Variants in CSMD1 observed in about 807,000 individuals in gnomAD.
The protein encoded by CSMD1 is CUB and sushi domain-containing protein 1.
A neutral mutation model predicts 417.5 loss-of-function variants in CSMD1; 213 were observed. The ratio of observed to expected loss-of-function variants is 0.51; its 90% CI spans 0.46 to 0.57. The LOEUF (loss-of-function observed/expected upper bound fraction) is 0.57. CSMD1 is among the 20% of genes least tolerant of loss of function. The pLI is 0.00. For synonymous variants in CSMD1, 2,862 were observed against 1,736.8 expected, an observed-to-expected ratio of 1.65 and a Z score of -16.11; for missense variants, 6,923 against 4,529.7, an observed-to-expected ratio of 1.53 and a Z score of -15.17.
rs149286891 is a variant in CSMD1 at position 3,098,018 on chromosome 8, C to T, written c.6950-981G>A. On this transcript the variant is annotated intron_variant, in intron 46 of 69. Transcript: ENST00000635120. ...CCAGTTTAATCAACATAAAAACAAT[C>T]TGCAGAGATCTGGACATGCAAAGCA... 5.5e-3 allele frequency among the ~76,000 whole-genome samples: 831 copies of T among 152,324 alleles called. 11 individuals carry two copies. The highest frequency in any genetic ancestry group is 0.019 in the African/African-American group (789 of 41,576).
chr8:2,937,509 C>T lies in CSMD1; in HGVS notation c.*1076G>A, dbSNP rs1243431693. 6.6e-6 allele frequency: 1 copy of T among 151,296 alleles called. No homozygotes were observed. Among genetic ancestry groups the T allele is most frequent in the African/African-American group, 2.4e-5 (1 of 41,188 alleles). 9.4% of individuals were successfully genotyped at this position (151,296 alleles called of 1,614,324 possible). A position where few individuals can be genotyped will look rare whatever the true frequency, so the allele number is the denominator to read the frequency against. ...CATTGTGAGCTAAAACCCACAAGTT[C>T]ATCGACTATCTAAAATAAATTACTA... On this transcript the variant is annotated 3_prime_UTR_variant, in exon 70 of 70. Transcript: ENST00000635120.
chr8:3,667,749 TG>T (rs1330269535), intron 7 of CSMD1, among the ~76,000 whole-genome samples: 1 of 152,182 alleles, frequency 6.6e-6, no homozygotes, highest in East Asian at 1.9e-4. Context: ...ACAAGAGTTC[TG>T]AAAAGCAACC....
chr8:3,835,098 G>T (rs1434395871), intron 5 of CSMD1, among the ~76,000 whole-genome samples: 1 of 148,934 alleles, frequency 6.7e-6, no homozygotes, highest in East Asian at 1.9e-4. Context: ...AGAGAAATAG[G>T]AACACTTTTA....
chr8:4,617,861 T>C (rs767163729), intron 2 of CSMD1, among the ~76,000 whole-genome samples: 1 of 152,218 alleles, frequency 6.6e-6, no homozygotes, highest in Non-Finnish European at 1.5e-5. Flanking sequence ...ACACTCACCC[T>C]TCTTGCTCTC....
At chr8:3,838,548 C>T (rs1308989001) in intron 5 of CSMD1, among the ~76,000 whole-genome samples, 1 of 118,478 alleles carries the variant, frequency 8.4e-6, no homozygotes, top group African/African-American at 3.6e-5. Context: ...TATATATGTA[C>T]TCTCTGTAGA....
chr8:3,900,341 G>A (rs769640744), intron 5 of CSMD1, among the ~76,000 whole-genome samples: 1 of 151,726 alleles, frequency 6.6e-6, no homozygotes, highest in Non-Finnish European at 1.5e-5. Context: ...ACAGCTGGGT[G>A]ACAGTGTAGC....
intron 1 of CSMD1, among the ~76,000 whole-genome samples, chr8:4,979,119 G>T (rs1031178297): frequency 2.6e-5 from 4 of 152,130 alleles, no homozygotes; most frequent in African/African-American, 9.7e-5. Flanking sequence ...TTTTCTACCT[G>T]ACTCTACTGA....
intron 7 of CSMD1, among the ~76,000 whole-genome samples, chr8:3,693,175 T>G (rs956552587): frequency 3.3e-5 from 5 of 152,116 alleles, no homozygotes; most frequent in African/African-American, 9.7e-5. Flanking sequence ...GTGAGTAAAA[T>G]TGGTCAGGAG....
At chr8:4,763,902 C>A (rs149263051) in intron 1 of CSMD1, among the ~76,000 whole-genome samples, 1 of 152,180 alleles carries the variant, frequency 6.6e-6, no homozygotes, top group African/African-American at 2.4e-5. Context: ...CTACATAACC[C>A]TGAGCACTTC....
intron 2 of CSMD1, among the ~76,000 whole-genome samples, chr8:4,527,521 C>T (rs1022015908): frequency 6.6e-5 from 10 of 152,084 alleles, no homozygotes; most frequent in East Asian, 5.8e-4. Flanking sequence ...TTTTCCAAAA[C>T]GCAGGTTATC....
At chr8:3,794,852 C>T (rs190011471) in intron 5 of CSMD1, among the ~76,000 whole-genome samples, 75 of 135,264 alleles carry the variant, frequency 5.5e-4, no homozygotes, top group African/African-American at 1.5e-3. Flanking sequence ...AGCCCATATC[C>T]GGGATCAATT....
At chr8:3,690,887 T>C (rs1800199437) in intron 7 of CSMD1, among the ~76,000 whole-genome samples, 1 of 152,188 alleles carries the variant, frequency 6.6e-6, no homozygotes, top group Non-Finnish European at 1.5e-5. Flanking sequence ...ATTTAATGTA[T>C]AAATAAATTA....
At chr8:3,718,512 G>C (rs7844030) in intron 6 of CSMD1, among the ~76,000 whole-genome samples, 8,299 of 152,226 alleles carry the variant, frequency 0.055, 270 homozygotes, top group Middle Eastern at 0.11. Context: ...TGAACCATTT[G>C]TACTGTTGAT....
chr8:3,863,245 A>T (rs1487111996), intron 5 of CSMD1, among the ~76,000 whole-genome samples: 1 of 152,086 alleles, frequency 6.6e-6, no homozygotes. Context: ...GAAAATACAA[A>T]AACTGGCTAG....
intron 5 of CSMD1, among the ~76,000 whole-genome samples, chr8:3,912,088 T>A (rs1408437033): frequency 6.6e-6 from 1 of 152,186 alleles, no homozygotes. Context: ...AAACCCTAAA[T>A]CAATAAATAT....
At position 4,879,257 on chromosome 8, in the gene CSMD1, G is replaced by A. The variant is rs908469423; in HGVS notation, c.85+115075C>T. Among the ~76,000 whole-genome samples, 18 of 151,770 alleles carry A rather than the reference G, an allele frequency of 1.2e-4. No individual in the cohort carries two copies. In the East Asian group the frequency reaches 1.4e-3, roughly 11 times the overall value. On this transcript the variant is annotated intron_variant, in intron 1 of 69. Coordinates refer to ENST00000635120, the MANE Select transcript of CSMD1 (RefSeq NM_033225.6). ...GGACATCAACTCGAGGAAAGGTTGCGGAAATGGAATAGGGGAGATAGTTTC... is the reference window on the plus strand; with the variant it reads ...GGACATCAACTCGAGGAAAGGTTGCAGAAATGGAATAGGGGAGATAGTTTC...
At chr8:3,388,849 C>T (rs926040977) in intron 17 of CSMD1, among the ~76,000 whole-genome samples, 6 of 151,876 alleles carry the variant, frequency 4.0e-5, no homozygotes, top group Non-Finnish European at 7.4e-5. Context: ...TATTACCTAC[C>T]ACCTGCTCCT....
chr8:3,514,715 CATG>C (rs754901175), intron 10 of CSMD1, among the ~76,000 whole-genome samples: 1 of 151,932 alleles, frequency 6.6e-6, no homozygotes, highest in Admixed American at 6.6e-5. Flanking sequence ...GAAGCTGAAC[CATG>C]ATATTAATAC....
In CSMD1 at chr8:4,172,130, C is replaced by G. The variant is rs191599174; in HGVS notation, c.416-140031G>C. The stretch of plus-strand genomic sequence containing the variant: ...GCGGATCATTTCAGTAGGTGCATGA[C>G]TACCTAAAATTTGAAAAGATGGACC... On this transcript the variant is annotated intron_variant, in intron 3 of 69. Coordinates refer to ENST00000635120, the MANE Select transcript of CSMD1 (RefSeq NM_033225.6). Among the ~76,000 whole-genome samples the G allele has an allele frequency of 4.0e-3, 602 of 152,166 alleles. 4 individuals are homozygous for G. The highest frequency in any genetic ancestry group is 0.013 in the African/African-American group (555 of 41,492).
Sources: gnomAD v4.1 joint callset for allele counts (sites outside exome capture counted in the v4.1 genomes callset) on GRCh38, gnomAD v4.1.1 for gene constraint, MANE v1.5 for transcripts, NCBI Gene and HGNC (gene_info 2026-07-23, HGNC 2026-07-21) for gene names.